SLC14A2: variants seen among roughly 807,000 people sequenced by gnomAD.
The protein encoded by SLC14A2 is urea transporter 2.
A neutral mutation model predicts 104.6 loss-of-function variants in SLC14A2; 91 were observed. The ratio of observed to expected loss-of-function variants is 0.87; its 90% CI spans 0.73 to 1.04. The LOEUF is 1.04. SLC14A2 is among the 50% of genes least tolerant of loss of function. SLC14A2 has a pLI of 0.00. For missense variants in SLC14A2, 1,189 were observed against 1,156.0 expected, an observed-to-expected ratio of 1.03 and a Z score of -0.41; for synonymous variants, 476 against 466.4, an observed-to-expected ratio of 1.02 and a Z score of -0.27.
intron 2 of SLC14A2, among the ~76,000 whole-genome samples, chr18:45,536,693 CT>C (rs2043790490): frequency 6.6e-6 from 1 of 152,116 alleles, no homozygotes. Flanking sequence ...TTAAACATAT[CT>C]TTTGGGGGGC....
chr18:45,294,077 C>A (rs1158450465), intron 1 of SLC14A2, among the ~76,000 whole-genome samples: 1 of 152,174 alleles, frequency 6.6e-6, no homozygotes, highest in Non-Finnish European at 1.5e-5. Flanking sequence ...AGAGTCATTT[C>A]TTTTACCATT....
chr18:45,580,894 C>G (rs1233185716), intron 2 of SLC14A2, among the ~76,000 whole-genome samples: 1 of 152,140 alleles, frequency 6.6e-6, no homozygotes, highest in Non-Finnish European at 1.5e-5. Flanking sequence ...GAAGAGGAAA[C>G]TGCTGCTAGA....
intron 1 of SLC14A2, among the ~76,000 whole-genome samples, chr18:45,313,152 G>A (rs1457576361): frequency 6.6e-6 from 1 of 152,198 alleles, no homozygotes; most frequent in African/African-American, 2.4e-5. Flanking sequence ...AAACCGGATG[G>A]CATCCATACT....
chr18:45,410,278 A>G (rs1052713741), intron 1 of SLC14A2, among the ~76,000 whole-genome samples: 2 of 152,192 alleles, frequency 1.3e-5, no homozygotes, highest in Non-Finnish European at 2.9e-5. Flanking sequence ...GACCAGTACC[A>G]GTCTATGACC....
At chr18:45,668,326 C>T (rs779476278) in intron 14 of SLC14A2, 23 bp from the exon 15 acceptor site, 145 of 1,613,246 alleles carry the variant, frequency 9.0e-5, no homozygotes, top group Non-Finnish European at 1.2e-4. Flanking sequence ...CCCTGCTCCA[C>T]CTGACCCTCC....
chr18:45,518,941 C>T (rs763230076), intron 2 of SLC14A2, among the ~76,000 whole-genome samples: 8 of 152,142 alleles, frequency 5.3e-5, no homozygotes, highest in Non-Finnish European at 8.8e-5. Context: ...CCCCAGCTGG[C>T]AAGGGGCCAG....
intron 1 of SLC14A2, among the ~76,000 whole-genome samples, chr18:45,618,305 A>G (rs1477047078): frequency 6.6e-6 from 1 of 152,218 alleles, no homozygotes; most frequent in Non-Finnish European, 1.5e-5. Flanking sequence ...TCCAACTAAT[A>G]TTCTGGAGAA....
the SLC14A2 span, among the ~76,000 whole-genome samples, chr18:45,184,598 G>A: frequency 1.3e-5 from 2 of 151,984 alleles, no homozygotes; most frequent in African/African-American, 4.8e-5. Context: ...AGGAAGAAAA[G>A]GTAACTACTG....
chr18:45,649,650 G>C (rs1415407750), intron 10 of SLC14A2, among the ~76,000 whole-genome samples: 1 of 152,168 alleles, frequency 6.6e-6, no homozygotes, highest in Non-Finnish European at 1.5e-5. Context: ...AGAGAATATG[G>C]TGACATATTC....
chr18:45,230,413 G>A (rs1449632903), intron 1 of SLC14A2, among the ~76,000 whole-genome samples: 1 of 152,134 alleles, frequency 6.6e-6, no homozygotes, highest in Non-Finnish European at 1.5e-5. Context: ...TTCTCGGCCT[G>A]TGGGCCCTAT....
rs934956576 is a variant in SLC14A2, at chr18:45,535,680, G to A, written c.-35+52358G>A. On this transcript the variant is annotated intron_variant, in intron 2 of 20. Transcript: ENST00000586448. ...TGAGTGAGCAAAAGGCCTGATGTTC[G>A]CACTCTTGCATGGACACAAAATGAA... Among the ~76,000 whole-genome samples, 10 of 152,120 alleles carry A rather than the reference G, an allele frequency of 6.6e-5. No individual in the cohort carries two copies. In the South Asian group the frequency reaches 8.3e-4, roughly 13 times the overall value.
At chr18:45,263,785 G>A (rs551666360) in intron 1 of SLC14A2, among the ~76,000 whole-genome samples, 8 of 152,194 alleles carry the variant, frequency 5.3e-5, no homozygotes, top group East Asian at 3.9e-4. Context: ...CCCACATTCC[G>A]TTTAAAGCAC....
At chr18:45,243,355 T>G (rs1426250352) in intron 1 of SLC14A2, among the ~76,000 whole-genome samples, 1 of 152,160 alleles carries the variant, frequency 6.6e-6, no homozygotes, top group Admixed American at 6.5e-5. Context: ...CATGACCATT[T>G]TACAGATAAA....
intron 1 of SLC14A2, among the ~76,000 whole-genome samples, chr18:45,223,873 C>T (rs564570458): frequency 6.6e-6 from 1 of 152,104 alleles, no homozygotes; most frequent in Non-Finnish European, 1.5e-5. Context: ...GGAAACAGGC[C>T]CTTTGTGAGG....
At chr18:45,224,580 G>T (rs1053891302) in intron 1 of SLC14A2, among the ~76,000 whole-genome samples, 1 of 151,966 alleles carries the variant, frequency 6.6e-6, no homozygotes, top group Non-Finnish European at 1.5e-5. Context: ...CAGGATGATA[G>T]AACCACCTCT....
intron 1 of SLC14A2, among the ~76,000 whole-genome samples, chr18:45,268,781 C>A (rs1018979907): frequency 5.9e-5 from 9 of 151,926 alleles, no homozygotes; most frequent in African/African-American, 2.2e-4. Context: ...AAAGGTTGAG[C>A]CTTATATGAC....
intron 1 of SLC14A2, among the ~76,000 whole-genome samples, chr18:45,336,407 C>T (rs1599684670): frequency 1.3e-5 from 2 of 152,106 alleles, no homozygotes; most frequent in South Asian, 4.2e-4. Flanking sequence ...AATAATTCTG[C>T]ACTGGGCAGG....
At chr18:45,594,510 T>C (rs1378407368) in intron 2 of SLC14A2, among the ~76,000 whole-genome samples, 1 of 152,130 alleles carries the variant, frequency 6.6e-6, no homozygotes, top group African/African-American at 2.4e-5. Context: ...GTTCAGCTTG[T>C]CCCTCTCTCT....
intron 7 of SLC14A2, among the ~76,000 whole-genome samples, chr18:45,640,433 T>C (rs545522373): frequency 6.6e-5 from 10 of 152,200 alleles, no homozygotes; most frequent in Non-Finnish European, 1.3e-4. Flanking sequence ...CCCAGCACTC[T>C]GAAATTTTTG....
Sources: allele counts gnomAD v4.1 joint callset (sites outside exome capture counted in the v4.1 genomes callset), GRCh38; gene constraint gnomAD v4.1.1; transcripts MANE v1.5; gene names NCBI Gene and HGNC (gene_info 2026-07-23, HGNC 2026-07-21).